CPSF4L: variants seen among roughly 807,000 people sequenced by gnomAD.
The protein encoded by CPSF4L is cleavage and polyadenylation specific factor 4 like.
In CPSF4L, 18 loss-of-function variants were observed where a neutral mutation model predicts 24.0. The ratio of observed to expected loss-of-function variants is 0.75; its 90% CI spans 0.52 to 1.11. The LOEUF is 1.11. CPSF4L is among the 50% of genes least tolerant of loss of function. The pLI is 0.00. For synonymous variants in CPSF4L, 72 were observed against 77.2 expected, an observed-to-expected ratio of 0.93 and a Z score of 0.35; for missense variants, 211 against 221.8, an observed-to-expected ratio of 0.95 and a Z score of 0.31.
intron 2 of CPSF4L, among the ~76,000 whole-genome samples, chr17:73,259,530 G>A (rs924785358): frequency 2.6e-5 from 4 of 152,126 alleles, no homozygotes; most frequent in African/African-American, 9.7e-5. Flanking sequence ...CTATTGACTT[G>A]CTTGGTTCTG....
intron 3 of CPSF4L, among the ~76,000 whole-genome samples, chr17:73,256,002 T>C (rs1216835826): frequency 6.6e-6 from 1 of 152,206 alleles, no homozygotes; most frequent in Non-Finnish European, 1.5e-5. Flanking sequence ...ATTAGAGTGA[T>C]CATCACTTTG....
intron 3 of CPSF4L, among the ~76,000 whole-genome samples, chr17:73,254,575 C>T (rs1387175171): frequency 1.3e-5 from 2 of 152,174 alleles, no homozygotes; most frequent in South Asian, 2.1e-4. Flanking sequence ...ATGGATTAGA[C>T]CAAGTCTCAG....
At chr17:73,247,158 C>T (rs148280680), downstream of CPSF4L, 220 of 1,266,658 alleles carry the variant, frequency 1.7e-4, 1 homozygote, top group African/African-American at 2.8e-3. Flanking sequence ...GGCTGTTTCA[C>T]ACAACAACAG....
intron 5 of CPSF4L, chr17:73,250,424 G>T: frequency 7.5e-7 from 1 of 1,325,212 alleles, no homozygotes; most frequent in Admixed American, 2.3e-5. Context: ...CTGCTTGTTG[G>T]TGAAGCTTAT....
chr17:73,247,122 T>A, downstream of CPSF4L: 1 of 837,208 alleles, frequency 1.2e-6, no homozygotes, highest in Non-Finnish European at 1.9e-6. Context: ...AAACAAGCCC[T>A]GCTCATTTGG....
In CPSF4L at chr17:73,250,332, CTT is replaced by C. The variant is rs1300756594; in HGVS notation, c.498-1798_498-1797del. Reference sequence around the variant, plus strand: ...AAAACAGAAAAAGTGAATGGCATGACTTTTTGTAAATTCAGATTTCTAAAGAT... The same window carrying C: ...AAAACAGAAAAAGTGAATGGCATGACTTTGTAAATTCAGATTTCTAAAGAT... On this transcript the variant is annotated intron_variant, in intron 5 of 5. Transcript: ENST00000344935. The C allele has an allele frequency of 6.5e-6, 10 of 1,549,926 alleles. No homozygotes were observed. In the South Asian group the frequency reaches 7.1e-5, roughly 11 times the overall value.
chr17:73,243,144 G>A, the CPSF4L span: 1 of 717,454 alleles, frequency 1.4e-6, no homozygotes, highest in South Asian at 1.5e-5. Context: ...ATGAGCTATT[G>A]CCTGGGGTTT....
At chr17:73,251,051 A>G in intron 5 of CPSF4L, 1 of 1,549,792 alleles carries the variant, frequency 6.5e-7, no homozygotes, top group Non-Finnish European at 8.7e-7. Flanking sequence ...GGGGTTTCCA[A>G]GCTTCCACAG....
At chr17:73,262,171 G>C, upstream of CPSF4L, 1 of 213,060 alleles carries the variant, frequency 4.7e-6, no homozygotes, top group Non-Finnish European at 9.6e-6. Flanking sequence ...CCAAACCTGG[G>C]CTCATACTTT....
At chr17:73,242,416 C>T in the CPSF4L span, 13 of 1,144,800 alleles carry the variant, frequency 1.1e-5, no homozygotes, top group South Asian at 4.5e-5. Flanking sequence ...AGTTTCTCTT[C>T]GGGCTGTTAA....
At chr17:73,245,736 C>T (rs1430655918), downstream of CPSF4L, 8 of 984,406 alleles carry the variant, frequency 8.1e-6, no homozygotes, top group East Asian at 1.1e-4. Flanking sequence ...GGTAAGCCTC[C>T]GAAAAAAAGC....
rs1356577402 is a variant in CPSF4L at position 73,253,945 on chromosome 17, C to T, written c.389G>A (p.Gly130Asp). ...KSQDCPWYDQ[G>D]FCKDGPLCKY... ...CAAGGCCTCACCGTCCTTGCAGAAA[C>T]CTTGGTCATACCAAGGACAGTCCTG... The change falls in exon 4 of 6, where the codon GGT becomes GAT. Residue 130 changes from glycine (G) to aspartate (D), a missense_variant. Transcript: ENST00000344935. The T allele has an allele frequency of 6.4e-7, 1 of 1,551,492 alleles. No individual in the cohort carries two copies. The highest frequency in any genetic ancestry group is 2.0e-5 in the Admixed American group (1 of 51,006).
the CPSF4L span, chr17:73,242,146 T>C: frequency 1.6e-5 from 11 of 698,160 alleles, no homozygotes; most frequent in Admixed American, 3.2e-4. Context: ...TAGAATATGC[T>C]CTTCCTGAGG....
downstream of CPSF4L, chr17:73,247,304 C>T (rs142702679): frequency 1.0e-4 from 167 of 1,614,076 alleles, 1 homozygote; most frequent in Middle Eastern, 8.2e-4. Flanking sequence ...GTGGCGAAGA[C>T]GACTGGGGAT....
At chr17:73,245,838 C>A, downstream of CPSF4L, 2 of 539,966 alleles carry the variant, frequency 3.7e-6, no homozygotes, top group Non-Finnish European at 4.7e-6. Flanking sequence ...TAATAATGAA[C>A]CGGTGGCTAA....
intron 5 of CPSF4L, among the ~76,000 whole-genome samples, chr17:73,250,784 TC>T: frequency 6.6e-6 from 1 of 152,346 alleles, no homozygotes; most frequent in Admixed American, 6.5e-5. Flanking sequence ...AAATGACTGT[TC>T]CTTTTGCAGG....
intron 3 of CPSF4L, among the ~76,000 whole-genome samples, chr17:73,255,888 TC>T (rs1311059572): frequency 6.6e-6 from 1 of 152,140 alleles, no homozygotes; most frequent in Non-Finnish European, 1.5e-5. Flanking sequence ...CAGCCTTCAA[TC>T]CGCCTTTCAG....
chr17:73,243,135 T>C, the CPSF4L span: 1 of 740,358 alleles, frequency 1.4e-6, no homozygotes, highest in Non-Finnish European at 2.3e-6. Flanking sequence ...CCCTGGTGAA[T>C]GAGCTATTGC....
the CPSF4L span, chr17:73,242,121 T>C: frequency 1.8e-5 from 10 of 561,454 alleles, no homozygotes; most frequent in Non-Finnish European, 2.8e-5. Flanking sequence ...TGCAGAAATC[T>C]TTAATGCACC....
Sources: allele counts gnomAD v4.1 joint callset (sites outside exome capture counted in the v4.1 genomes callset), GRCh38; gene constraint gnomAD v4.1.1; transcripts MANE v1.5; gene names NCBI Gene and HGNC (gene_info 2026-07-23, HGNC 2026-07-21).